Variants in SUGT1 observed in about 807,000 individuals in gnomAD.
The protein encoded by SUGT1 is protein SGT1 homolog.
In SUGT1, 15 loss-of-function variants were observed where a neutral mutation model predicts 56.1. The ratio of observed to expected loss-of-function variants is 0.27; its 90% CI spans 0.18 to 0.41. The LOEUF is 0.41. SUGT1 is among the 10% of genes least tolerant of loss of function. The pLI is 1.00. For missense variants in SUGT1, 347 were observed against 382.2 expected (o/e 0.91, Z 0.77); for synonymous variants, 123 against 128.6 (o/e 0.96, Z 0.30).
At chr13:52,661,573 A>G (rs955004695) in intron 5 of SUGT1, 19 of 415,162 alleles carry the variant, frequency 4.6e-5, no homozygotes, top group Admixed American at 4.1e-4. Context: ...GATTACAGGT[A>G]TGAGCCACCA....
chr13:52,665,824 A>G (rs1029657294), intron 9 of SUGT1, 91 bp downstream of exon 9: 15 of 797,180 alleles, frequency 1.9e-5, no homozygotes, highest in Middle Eastern at 5.8e-4. Context: ...TATCAGATAA[A>G]TGCTATTTCT....
rs1286617639 is a variant in SUGT1 at position 52,662,689 on chromosome 13, A to G, written c.369A>G (p.Gln123=). The G allele has an allele frequency of 6.8e-6, 11 of 1,613,602 alleles. No individual in the cohort carries two copies. Among genetic ancestry groups the G allele is most frequent in the South Asian group, 4.4e-5 (4 of 91,056 alleles). Residue 123 remains glutamine, a synonymous_variant, in exon 6 of 13, where the codon CAA becomes CAG. Coordinates refer to ENST00000310528, the MANE Select transcript of SUGT1 (RefSeq NM_006704.5). ...TCAGTGTCTGGATTAAAAGGTGTCA[A>G]GAAGCTCAGAATGGTATGTGGGTCT... ...ANFSVWIKRC[Q]EAQNGSESEV... is the part of the protein sequence containing the mutation.
Position 52,688,040 on chromosome 13 carries a change from G to A in SUGT1, c.*205G>A, listed in dbSNP as rs2408657. 348,226 of 350,210 alleles carry A rather than the reference G, an allele frequency of 0.99. 173,135 individuals carry two copies. The highest frequency in any genetic ancestry group is 1 in the East Asian group (19,197 of 19,198). 21.7% of individuals were successfully genotyped at this position (350,210 alleles called of 1,614,324 possible). A position where few individuals can be genotyped will look rare whatever the true frequency, so the allele number is the denominator to read the frequency against. On this transcript the variant is annotated 3_prime_UTR_variant, in exon 13 of 13. Coordinates refer to ENST00000310528, the MANE Select transcript of SUGT1 (RefSeq NM_006704.5). ...CATTTTATCACTTCTGTCCTTAAAG[G>A]TTTCAGACATGGTGAAACTGAATAA...
intron 10 of SUGT1, among the ~76,000 whole-genome samples, chr13:52,672,580 C>T (rs908803258): frequency 2.0e-5 from 3 of 152,060 alleles, no homozygotes; most frequent in African/African-American, 7.2e-5. Flanking sequence ...GTGAAAAGAG[C>T]TTAGTAAGAG....
intron 10 of SUGT1, among the ~76,000 whole-genome samples, chr13:52,670,668 C>T (rs901056305): frequency 1.3e-5 from 2 of 152,012 alleles, no homozygotes; most frequent in African/African-American, 4.8e-5. Context: ...ATGAACTGGA[C>T]GTGGTGACGG....
intron 5 of SUGT1, among the ~76,000 whole-genome samples, chr13:52,659,914 T>C (rs954100871): frequency 7.6e-5 from 11 of 144,176 alleles, no homozygotes; most frequent in African/African-American, 2.8e-4. Flanking sequence ...CTGCAAGCTC[T>C]GCCTCCCGGG....
At chr13:52,683,375 A>AT (rs1265708651) in intron 12 of SUGT1, among the ~76,000 whole-genome samples, 1 of 151,950 alleles carries the variant, frequency 6.6e-6, no homozygotes, top group African/African-American at 2.4e-5. Flanking sequence ...GGATTATATG[A>AT]TTTTTCTTCC....
chr13:52,682,545 C>G (rs540616378), intron 12 of SUGT1, among the ~76,000 whole-genome samples: 26 of 152,278 alleles, frequency 1.7e-4, no homozygotes, highest in African/African-American at 5.5e-4. Context: ...ATTTTTATGT[C>G]AAGTGTGAGA....
chr13:52,659,118 G>C (rs9634853), intron 4 of SUGT1, 61 bp from the exon 5 acceptor site: 1 of 1,336,408 alleles, frequency 7.5e-7, no homozygotes, highest in South Asian at 1.5e-5. Flanking sequence ...TTTTTATTTA[G>C]AAAGAAGGTA....
chr13:52,660,037 G>A (rs1015681327), intron 5 of SUGT1, among the ~76,000 whole-genome samples: 1 of 151,130 alleles, frequency 6.6e-6, no homozygotes, highest in African/African-American at 2.4e-5. Flanking sequence ...CACCATGTTA[G>A]CCAGGATGGT....
intron 2 of SUGT1, among the ~76,000 whole-genome samples, chr13:52,653,906 C>T (rs1168638963): frequency 6.6e-6 from 1 of 152,190 alleles, no homozygotes; most frequent in Non-Finnish European, 1.5e-5. Context: ...TCTTTTCTAG[C>T]TATGACTTTT....
At chr13:52,658,192 T>C in intron 3 of SUGT1, 2 of 1,494,004 alleles carry the variant, frequency 1.3e-6, no homozygotes, top group Non-Finnish European at 1.8e-6. Context: ...TTGAAGAGCT[T>C]TAAGAAGGAA....
Position 52,690,285 on chromosome 13 carries a change from C to T in SUGT1, c.*2450C>T, listed in dbSNP as rs1168575244. 3 of 152,086 alleles carry T rather than the reference C, an allele frequency of 2.0e-5. No individual in the cohort carries two copies. Among genetic ancestry groups the T allele is most frequent in the Non-Finnish European group, 2.9e-5 (2 of 68,004 alleles). 9.4% of individuals were successfully genotyped at this position (152,086 alleles called of 1,614,324 possible). A position where few individuals can be genotyped will look rare whatever the true frequency, so the allele number is the denominator to read the frequency against. ...CTTGTAAGCCTCCAGAAAGTTAAAA[C>T]AAAAAACTTCTTTCTGATTAAGAGC... On this transcript the variant is annotated 3_prime_UTR_variant, in exon 13 of 13. Coordinates refer to ENST00000310528, the MANE Select transcript of SUGT1 (RefSeq NM_006704.5).
At chr13:52,685,938 GTTTA>G (rs1173658797) in intron 12 of SUGT1, among the ~76,000 whole-genome samples, 2 of 152,114 alleles carry the variant, frequency 1.3e-5, no homozygotes, top group Non-Finnish European at 2.9e-5. Flanking sequence ...GTGTTTGTCT[GTTTA>G]TTTGAGAGAG....
At chr13:52,680,756 TTTTAA>T (rs1963339863) in intron 12 of SUGT1, among the ~76,000 whole-genome samples, 1 of 152,226 alleles carries the variant, frequency 6.6e-6, no homozygotes, top group South Asian at 2.1e-4. Context: ...AAAATTAGTA[TTTTAA>T]TTTAATATTT....
Position 52,690,847 on chromosome 13 carries a change from A to T in SUGT1, c.*3012A>T, listed in dbSNP as rs1457013158. ...GAGGATGGCTTGCATTAATAACTCT[A>T]GTTTTTAAAAACATTTTTATTCCTT... On this transcript the variant is annotated 3_prime_UTR_variant, in exon 13 of 13. Transcript: ENST00000310528. 1.3e-5 allele frequency: 2 copies of T among 152,224 alleles called. No individual in the cohort carries two copies. The highest frequency in any genetic ancestry group is 3.8e-4 in the East Asian group (2 of 5,206). The allele number at this position is 152,224 out of a possible 1,614,324, so 9.4% of individuals were successfully genotyped here.
chr13:52,658,091 C>T (rs1238649110), intron 3 of SUGT1: 3 of 1,264,666 alleles, frequency 2.4e-6, no homozygotes, highest in Admixed American at 3.4e-5. Context: ...TTTGTACCTT[C>T]TGAATAGGGA....
intron 11 of SUGT1, among the ~76,000 whole-genome samples, chr13:52,677,327 T>A (rs562827653): frequency 4.6e-5 from 7 of 152,322 alleles, no homozygotes; most frequent in African/African-American, 1.7e-4. Context: ...TGATTACCTC[T>A]TAAGTAGTCT....
chr13:52,685,157 C>T (rs1274363665), intron 12 of SUGT1, among the ~76,000 whole-genome samples: 1 of 151,432 alleles, frequency 6.6e-6, no homozygotes, highest in Non-Finnish European at 1.5e-5. Context: ...GCCTTGAACT[C>T]CTGAGCTGAA....
Sources: gnomAD v4.1 joint callset for allele counts (sites outside exome capture counted in the v4.1 genomes callset) on GRCh38, gnomAD v4.1.1 for gene constraint, MANE v1.5 for transcripts, NCBI Gene and HGNC (gene_info 2026-07-23, HGNC 2026-07-21) for gene names.